GALNT17: variants seen among roughly 807,000 people sequenced by gnomAD.
GALNT17 encodes polypeptide N-acetylgalactosaminyltransferase 17, also known as UDP-GalNAc:polypeptide N-acetylgalactosaminyltransferase-like 3.
Under a neutral mutation model 63.7 loss-of-function variants are expected in GALNT17, and 29 were observed. That is an observed-to-expected ratio of 0.46 (90% CI 0.34 to 0.62). The LOEUF (loss-of-function observed/expected upper bound fraction) is 0.62, where lower values mean the gene tolerates loss of function less well. Ranked by LOEUF, GALNT17 falls within the 20% of genes least tolerant of loss-of-function variation. The pLI is 0.01. For missense variants in GALNT17, 603 were observed against 799.6 expected (o/e 0.75, Z 2.97); for synonymous variants, 305 against 318.3 (o/e 0.96, Z 0.45).
At chr7:71,256,637 G>T (rs1209594375) in intron 1 of GALNT17, among the ~76,000 whole-genome samples, 1 of 152,138 alleles carries the variant, frequency 6.6e-6, no homozygotes, top group African/African-American at 2.4e-5. Context: ...ACCACCTTGC[G>T]CACGTGTTCT....
chr7:71,435,612 C>T (rs1176142104), intron 5 of GALNT17, among the ~76,000 whole-genome samples: 1 of 152,128 alleles, frequency 6.6e-6, no homozygotes, highest in South Asian at 2.1e-4. Flanking sequence ...GGCCCCCACC[C>T]AGGAACTGAC....
chr7:71,386,809 C>T (rs1008693067), intron 2 of GALNT17, among the ~76,000 whole-genome samples: 29 of 152,184 alleles, frequency 1.9e-4, no homozygotes, highest in Admixed American at 3.9e-4. Context: ...AGGTTGCACA[C>T]TCCTCCAGGT....
intron 2 of GALNT17, among the ~76,000 whole-genome samples, chr7:71,338,701 A>G (rs2116111153): frequency 6.6e-6 from 1 of 152,224 alleles, no homozygotes; most frequent in Middle Eastern, 3.4e-3. Context: ...TCTCAAACAG[A>G]TTCTCCATTT....
intron 6 of GALNT17, among the ~76,000 whole-genome samples, chr7:71,662,943 T>C (rs1562727001): frequency 6.6e-6 from 1 of 152,172 alleles, no homozygotes; most frequent in Admixed American, 6.5e-5. Context: ...TCCAGCACAA[T>C]TTGTTGAAGA....
intron 3 of GALNT17, among the ~76,000 whole-genome samples, chr7:71,397,835 A>G (rs1485840523): frequency 6.6e-6 from 1 of 152,208 alleles, no homozygotes; most frequent in African/African-American, 2.4e-5. Flanking sequence ...AAGTTCACTC[A>G]TGCCTCTAAA....
intron 5 of GALNT17, among the ~76,000 whole-genome samples, chr7:71,519,753 C>T (rs1323342641): frequency 2.0e-5 from 3 of 152,140 alleles, no homozygotes; most frequent in Non-Finnish European, 4.4e-5. Flanking sequence ...TGTGAGCCAC[C>T]GTGCCCAGCC....
At chr7:71,566,474 G>A (rs1254559821) in intron 5 of GALNT17, among the ~76,000 whole-genome samples, 1 of 151,988 alleles carries the variant, frequency 6.6e-6, no homozygotes, top group Non-Finnish European at 1.5e-5. Flanking sequence ...TGCTTGATGT[G>A]CTCAGAAACA....
chr7:71,166,227 G>C (rs1195336356), intron 1 of GALNT17, among the ~76,000 whole-genome samples: 2 of 152,196 alleles, frequency 1.3e-5, no homozygotes, highest in Admixed American at 1.3e-4. Flanking sequence ...GTGTGCTTGG[G>C]CAAGTAGTTC....
intron 1 of GALNT17, among the ~76,000 whole-genome samples, chr7:71,210,237 A>G (rs1385610319): frequency 2.0e-5 from 3 of 152,170 alleles, no homozygotes; most frequent in African/African-American, 7.2e-5. Flanking sequence ...ACTGGCCCCC[A>G]TGATTCAATT....
intron 2 of GALNT17, among the ~76,000 whole-genome samples, chr7:71,345,106 C>T (rs1270856088): frequency 1.3e-5 from 2 of 148,834 alleles, no homozygotes; most frequent in Admixed American, 1.3e-4. Context: ...CTGGGCAAGG[C>T]TTTCTAAGCC....
chr7:71,180,148 T>A (rs1409221717), intron 1 of GALNT17, among the ~76,000 whole-genome samples: 1 of 152,044 alleles, frequency 6.6e-6, no homozygotes, highest in South Asian at 2.1e-4. Flanking sequence ...TTTTTTGAGA[T>A]GGAGTGTCGC....
intron 8 of GALNT17, 52 bp downstream of exon 8, chr7:71,670,161 G>A: frequency 6.2e-7 from 1 of 1,610,198 alleles, no homozygotes; most frequent in Non-Finnish European, 8.5e-7. Flanking sequence ...AATATGCTGT[G>A]GGTTGCTTCG....
At chr7:71,322,024 T>G (rs1791626738) in intron 1 of GALNT17, among the ~76,000 whole-genome samples, 1 of 149,668 alleles carries the variant, frequency 6.7e-6, no homozygotes, top group Admixed American at 6.8e-5. Context: ...CAATCATGGC[T>G]CACTGCAGCC....
chr7:71,243,658 G>A (rs548308595), intron 1 of GALNT17, among the ~76,000 whole-genome samples: 7 of 152,190 alleles, frequency 4.6e-5, no homozygotes, highest in African/African-American at 1.4e-4. Context: ...CCCCATCTTG[G>A]CCTCCAGAGT....
intron 7 of GALNT17, among the ~76,000 whole-genome samples, chr7:71,666,345 T>C (rs1002228059): frequency 4.7e-5 from 7 of 148,312 alleles, no homozygotes; most frequent in Non-Finnish European, 7.4e-5. Flanking sequence ...ATTTATATAA[T>C]ATATAAAATA....
chr7:71,415,977 G>A lies in GALNT17; in HGVS notation c.678G>A (p.Leu226=), dbSNP rs766655078. 1.1e-5 allele frequency: 18 copies of A among 1,613,814 alleles called. No individual in the cohort carries two copies. In the East Asian group the frequency reaches 4.0e-4, roughly 36 times the overall value. Residue 226 remains leucine, a synonymous_variant, in exon 4 of 11, where the codon CTG becomes CTA. Transcript: ENST00000333538. The stretch of plus-strand genomic sequence containing the variant: ...TAAGAAATCAGAAGAGGGAAGGCCT[G>A]ATCCGCGCTCGCATTGAGGGCTGGA... ...KVVRNQKREG[L]IRARIEGWKV... is the part of the protein sequence containing the mutation.
At chr7:71,514,332 G>A (rs1476919761) in intron 5 of GALNT17, among the ~76,000 whole-genome samples, 2 of 152,114 alleles carry the variant, frequency 1.3e-5, no homozygotes, top group Non-Finnish European at 2.9e-5. Flanking sequence ...AGAGGTAGAC[G>A]CTAGCCAGGT....
intron 2 of GALNT17, among the ~76,000 whole-genome samples, chr7:71,352,179 A>G (rs1020135670): frequency 2.6e-5 from 4 of 152,218 alleles, no homozygotes; most frequent in Admixed American, 2.6e-4. Flanking sequence ...TGATCGTTTT[A>G]TAAGGGGAAA....
rs57075200 is a variant in GALNT17 at position 71,289,884 on chromosome 7, GAAA to G, written c.239-45654_239-45652del. Among the ~76,000 whole-genome samples the G allele has an allele frequency of 7.2e-3, 839 of 116,588 alleles. 5 individuals carry two copies. The highest frequency in any genetic ancestry group is 0.027 in the African/African-American group (794 of 29,408). 76.5% of individuals were successfully genotyped at this position (116,588 alleles called of 152,430 possible). On this transcript the variant is annotated intron_variant, in intron 1 of 10. Transcript: ENST00000333538. ...ACAAGAGCAAAACCCCGTCTCAAAA[GAAA>G]AAAAAAAAAAAGCCAGATGTGGTGG... is the stretch of plus-strand genomic sequence containing the variant.
Sources: allele counts gnomAD v4.1 joint callset (sites outside exome capture counted in the v4.1 genomes callset), GRCh38; gene constraint gnomAD v4.1.1; transcripts MANE v1.5; gene names NCBI Gene and HGNC (gene_info 2026-07-23, HGNC 2026-07-21).